Variants in PAMR1 observed in about 807,000 individuals in gnomAD.
PAMR1 encodes peptidase domain containing associated with muscle regeneration 1.
In PAMR1, 88 loss-of-function variants were observed where a neutral mutation model predicts 81.8. The ratio of observed to expected loss-of-function variants is 1.08; its 90% CI spans 0.91 to 1.28. The LOEUF (loss-of-function observed/expected upper bound fraction) is 1.28. Among genes scored for constraint, PAMR1 ranks in the 50% most tolerant of loss-of-function variants. PAMR1 has a pLI of 0.00. For synonymous variants in PAMR1, 336 were observed against 345.3 expected (o/e 0.97, Z 0.30); for missense variants, 935 against 919.7 (o/e 1.02, Z -0.21).
intron 3 of PAMR1, among the ~76,000 whole-genome samples, chr11:35,487,074 T>C (rs117145777): frequency 0.035 from 5,329 of 152,214 alleles, 145 homozygotes; most frequent in Middle Eastern, 0.058. Flanking sequence ...CCCCTGATGG[T>C]TGCTGTCCCT....
chr11:35,446,263 T>C (rs565032137), intron 6 of PAMR1, among the ~76,000 whole-genome samples: 1 of 152,332 alleles, frequency 6.6e-6, no homozygotes, highest in East Asian at 1.9e-4. Context: ...CTATGTATTT[T>C]ATTAATTTTT....
rs1046185834 is a variant in PAMR1 at position 35,437,323 on chromosome 11, A to G, written c.1101-1188T>C. Reference sequence around the variant, plus strand: ...GTGGAAGTACGCAGAGGCACGCAGTAAAGAAACTTGGTACCCAAGGCAGTG... The same window carrying G: ...GTGGAAGTACGCAGAGGCACGCAGTGAAGAAACTTGGTACCCAAGGCAGTG... On this transcript the variant is annotated intron_variant, in intron 8 of 10. Transcript: ENST00000619888. Among the ~76,000 whole-genome samples, 4 of 152,358 alleles carry G rather than the reference A, an allele frequency of 2.6e-5. No individual in the cohort carries two copies. In the South Asian group the frequency reaches 6.2e-4, roughly 24 times the overall value.
chr11:35,449,074 G>T (rs1012815136), intron 6 of PAMR1, among the ~76,000 whole-genome samples: 1 of 152,234 alleles, frequency 6.6e-6, no homozygotes, highest in Non-Finnish European at 1.5e-5. Context: ...CCTGTATGAG[G>T]TGTCTGGCCA....
intron 3 of PAMR1, 126 bp downstream of exon 3, chr11:35,491,919 C>G: frequency 1.3e-6 from 1 of 782,912 alleles, no homozygotes; most frequent in East Asian, 2.8e-5. Flanking sequence ...ATAGTTTTAC[C>G]TAGAAAGCCC....
In PAMR1 at chr11:35,432,254, G is replaced by T; in HGVS notation, c.*102C>A. On this transcript the variant is annotated 3_prime_UTR_variant, in exon 11 of 11. Coordinates refer to ENST00000619888, the MANE Select transcript of PAMR1 (RefSeq NM_001001991.3). ...AAGTCAGAAGCCCTGGCACAGCCAA[G>T]TTCACAGGCCAAATCACACTTCAGG... 8.6e-7 allele frequency: 1 copy of T among 1,168,066 alleles called. No individual in the cohort carries two copies. The highest frequency in any genetic ancestry group is 1.2e-6 in the Non-Finnish European group (1 of 821,556). The allele number at this position is 1,168,066 out of a possible 1,614,324, so 72.4% of individuals were successfully genotyped here.
intron 1 of PAMR1, among the ~76,000 whole-genome samples, chr11:35,499,215 C>T (rs1435917468): frequency 2.0e-5 from 3 of 152,220 alleles, no homozygotes; most frequent in East Asian, 1.9e-4. Context: ...AGCTGGGTGC[C>T]TTTCCTCCCA....
At chr11:35,455,626 T>C (rs1856512724) in intron 6 of PAMR1, among the ~76,000 whole-genome samples, 1 of 152,172 alleles carries the variant, frequency 6.6e-6, no homozygotes, top group Non-Finnish European at 1.5e-5. Flanking sequence ...GCCAAAGAGT[T>C]CAAGCACTGC....
chr11:35,482,182 G>C (rs911904692), intron 3 of PAMR1, among the ~76,000 whole-genome samples: 5 of 152,188 alleles, frequency 3.3e-5, no homozygotes, highest in African/African-American at 1.2e-4. Context: ...TTATATTTAA[G>C]TATTTAATCC....
At chr11:35,499,953 AAGG>A (rs1471401816) in intron 1 of PAMR1, among the ~76,000 whole-genome samples, 3 of 152,202 alleles carry the variant, frequency 2.0e-5, no homozygotes, top group African/African-American at 7.2e-5. Context: ...CAGAGTCAGA[AAGG>A]AGGTGTGCCG....
At chr11:35,528,915 T>C (rs1416992848), upstream of PAMR1, 1 of 152,238 alleles carries the variant, frequency 6.6e-6, no homozygotes, top group Non-Finnish European at 1.5e-5. Context: ...GGAGGATGTA[T>C]TTTTCTGGAG....
intron 6 of PAMR1, chr11:35,453,281 T>G (rs1856457808): frequency 6.6e-6 from 1 of 152,216 alleles, no homozygotes; most frequent in Non-Finnish European, 1.5e-5. Flanking sequence ...AAAAGCCCAT[T>G]GTTGGGCCTA....
intron 9 of PAMR1, 53 bp from the exon 10 acceptor site, chr11:35,434,857 G>T: frequency 1.2e-5 from 18 of 1,552,454 alleles, no homozygotes; most frequent in Non-Finnish European, 1.5e-5. Context: ...GCCATCCAAA[G>T]GAGAATGTGT....
intron 6 of PAMR1, among the ~76,000 whole-genome samples, chr11:35,463,313 G>A (rs552025714): frequency 2.0e-5 from 3 of 152,248 alleles, no homozygotes; most frequent in African/African-American, 7.2e-5. Flanking sequence ...TTAATTGGTG[G>A]AGGTCGATTT....
rs374368312 is a variant in PAMR1 at position 35,436,000 on chromosome 11, A to C, written c.1236T>G (p.Tyr412Ter). 6.2e-6 allele frequency: 10 copies of C among 1,614,020 alleles called. No homozygotes were observed. The highest frequency in any genetic ancestry group is 1.3e-5 in the African/African-American group (1 of 74,898). ...GGCGGTAGAAGGGTGAGATGCACTC[A>C]TACTGGAGCTGGGTATGCAGATGTT... is the stretch of plus-strand genomic sequence containing the variant. ...GYQHLHTQLQYECISPFYRRL... is the reference protein window; with the variant it reads ...GYQHLHTQLQ Residue 412 changes from tyrosine (Y) to a stop codon, truncating the protein, a stop_gained, in exon 9 of 11, where the codon TAT becomes TAG. Transcript: ENST00000619888. LOFTEE classifies it high-confidence loss of function.
intron 1 of PAMR1, among the ~76,000 whole-genome samples, chr11:35,519,248 A>G (rs1464513532): frequency 6.6e-6 from 1 of 152,202 alleles, no homozygotes; most frequent in African/African-American, 2.4e-5. Flanking sequence ...AACCCATCTT[A>G]GGATTAGAGG....
chr11:35,514,755 G>C (rs1267063143), intron 1 of PAMR1, among the ~76,000 whole-genome samples: 5 of 152,356 alleles, frequency 3.3e-5, no homozygotes, highest in African/African-American at 1.2e-4. Flanking sequence ...GGGAGGCCGT[G>C]GTGGGGAATG....
rs1477234150 is a variant in PAMR1, at chr11:35,470,777, T to A, written c.536A>T (p.Tyr179Phe). 6.2e-7 allele frequency: 1 copy of A among 1,614,088 alleles called. No individual in the cohort carries two copies. Among genetic ancestry groups the A allele is most frequent in the South Asian group, 1.1e-5 (1 of 91,076 alleles). ...LSLEFDYMCQYDYVEVRDGDN... is the reference protein window; with the variant it reads ...LSLEFDYMCQFDYVEVRDGDN... ...TCCATCACGAACCTCAACATAGTCA[T>A]ACTGGCACATGTAGTCAAACTCCAG... Residue 179 changes from tyrosine to phenylalanine, a missense_variant, in exon 5 of 11, where the codon TAT becomes TTT. Coordinates refer to ENST00000619888, the MANE Select transcript of PAMR1 (RefSeq NM_001001991.3).
intron 8 of PAMR1, among the ~76,000 whole-genome samples, chr11:35,436,856 G>T (rs566567458): frequency 6.6e-6 from 1 of 152,174 alleles, no homozygotes; most frequent in African/African-American, 2.4e-5. Flanking sequence ...CACACACAAA[G>T]AAATTAATTG....
At chr11:35,465,207 A>T (rs7112810) in intron 6 of PAMR1, among the ~76,000 whole-genome samples, 54,817 of 152,104 alleles carry the variant, frequency 0.36, 10,144 homozygotes, top group African/African-American at 0.44. Context: ...CTTGAAGAGA[A>T]CATTAAAGCA....
Sources: gnomAD v4.1 joint callset for allele counts (sites outside exome capture counted in the v4.1 genomes callset) on GRCh38, gnomAD v4.1.1 for gene constraint, MANE v1.5 for transcripts, NCBI Gene and HGNC (gene_info 2026-07-23, HGNC 2026-07-21) for gene names.